IKBKB: variants seen among roughly 807,000 people sequenced by gnomAD.
IKBKB encodes the protein inhibitor of nuclear factor kappa-B kinase subunit beta.
IKBKB carries 42 observed loss-of-function variants against 113.6 expected under a neutral mutation model. The observed-to-expected ratio is 0.37, with a 90% CI of 0.29 to 0.48. IKBKB has a LOEUF of 0.48. Among genes scored for constraint, IKBKB ranks in the 20% least tolerant of loss-of-function variants. IKBKB has a pLI of 0.99. For synonymous variants in IKBKB, 296 were observed against 361.3 expected, an observed-to-expected ratio of 0.82 and a Z score of 2.05; for missense variants, 673 against 939.7, an observed-to-expected ratio of 0.72 and a Z score of 3.71.
chr8:42,322,404 G>T lies in IKBKB; in HGVS notation c.1896G>T (p.Val632=), dbSNP rs771410923. The change falls in exon 19 of 22, where the codon GTG becomes GTT. Residue 632 remains valine (V), a synonymous_variant. Transcript: ENST00000520810. ...AACTGTTGCCCAAGGTGGAAGAGGT[G>T]GTGAGCTTAATGAATGAGGATGAGA... ...ALELLPKVEE[V]VSLMNEDEKT... is the part of the protein sequence containing the mutation. 3 of 1,613,830 alleles carry T rather than the reference G, an allele frequency of 1.9e-6. No individual in the cohort carries two copies. Among genetic ancestry groups the T allele is most frequent in the African/African-American group, 1.3e-5 (1 of 74,858 alleles).
At chr8:42,303,290 A>G (rs1815808822) in intron 5 of IKBKB, among the ~76,000 whole-genome samples, 1 of 152,190 alleles carries the variant, frequency 6.6e-6, no homozygotes, top group Non-Finnish European at 1.5e-5. Context: ...ACCATTAACT[A>G]TCCCTCTGAG....
chr8:42,298,291 C>T lies in IKBKB; in HGVS notation c.388+4779C>T, dbSNP rs866750379. On this transcript the variant is annotated intron_variant, in intron 5 of 21. Transcript: ENST00000520810. The stretch of plus-strand genomic sequence containing the variant: ...GATTGGAATCAGCCTTTCCTGGATT[C>T]TGCAGGTGGCCAGTCTGCTGTGGTG... 2.3e-5 allele frequency: 23 copies of T among 985,424 alleles called. No individual in the cohort carries two copies. The African/African-American group carries it at 3.3e-4, about 14-fold the overall frequency. 61.0% of individuals were successfully genotyped at this position (985,424 alleles called of 1,614,324 possible).
chr8:42,307,202 T>TG (rs1411470486), intron 7 of IKBKB, among the ~76,000 whole-genome samples: 1 of 151,406 alleles, frequency 6.6e-6, no homozygotes, highest in Non-Finnish European at 1.5e-5. Context: ...GGGCTGGAGG[T>TG]GGGGGACGGC....
At position 42,316,701 on chromosome 8, in the gene IKBKB, G is replaced by T. The variant is rs1309089064; in HGVS notation, c.931-9G>T. 5 of 1,607,590 alleles carry T rather than the reference G, an allele frequency of 3.1e-6. No individual in the cohort carries two copies. The highest frequency in any genetic ancestry group is 1.3e-5 in the African/African-American group (1 of 74,752). On this transcript the variant is annotated splice_polypyrimidine_tract_variant and intron_variant, in intron 10 of 21. Transcript: ENST00000520810. This position sits in a 1 kb window ranked among gnomAD's most constrained non-coding sequence, Gnocchi z 4.5. Reference sequence around the variant, plus strand: ...TCGGTTTTCCAGTAACATCTGGGTTGTGTTGCAGCTGGTTCATATCTTGAA... The same window carrying T: ...TCGGTTTTCCAGTAACATCTGGGTTTTGTTGCAGCTGGTTCATATCTTGAA...
At position 42,331,876 on chromosome 8, in the gene IKBKB, C is replaced by G. The variant is rs1260832656; in HGVS notation, c.*897C>G. The G allele has an allele frequency of 1.7e-5, 3 of 180,308 alleles. No individual in the cohort carries two copies. Among genetic ancestry groups the G allele is most frequent in the African/African-American group, 7.1e-5 (3 of 42,128 alleles). 11.2% of individuals were successfully genotyped at this position (180,308 alleles called of 1,614,324 possible). Reference sequence around the variant, plus strand: ...GGGGAGTCCCTGTCTCTCACAGCATCTAGCAGTATTATTAAATGGATTCAT... The same window carrying G: ...GGGGAGTCCCTGTCTCTCACAGCATGTAGCAGTATTATTAAATGGATTCAT... On this transcript the variant is annotated 3_prime_UTR_variant, in exon 22 of 22. Transcript: ENST00000520810.
chr8:42,288,580 G>A, intron 2 of IKBKB, 54 bp from the exon 3 acceptor site: 1 of 1,402,060 alleles, frequency 7.1e-7, no homozygotes, highest in South Asian at 1.2e-5. Context: ...AGCAGACAGG[G>A]TGGGATTTGG....
chr8:42,322,296 C>T, intron 18 of IKBKB, 51 bp from the exon 19 acceptor site: 1 of 1,611,054 alleles, frequency 6.2e-7, no homozygotes, highest in Non-Finnish European at 8.5e-7. Flanking sequence ...GCCACAGGTT[C>T]TGCTTTCTCC....
chr8:42,308,301 TTTC>T (rs1362862671), intron 7 of IKBKB, among the ~76,000 whole-genome samples: 6 of 146,908 alleles, frequency 4.1e-5, no homozygotes, highest in Admixed American at 2.0e-4. Context: ...TCTTTCTTTC[TTTC>T]TTTTTTTTTT....
At position 42,314,141 on chromosome 8, in the gene IKBKB, G is replaced by A. The variant is rs894712379; in HGVS notation, c.693-181G>A. On this transcript the variant is annotated intron_variant, in intron 8 of 21. Transcript: ENST00000520810. The stretch of plus-strand genomic sequence containing the variant: ...ACAGTATTCAGTACCGGAGCATGCT[G>A]TACAGGTTTGTAGCCTAGGAGCAAT... 1.6e-5 allele frequency: 10 copies of A among 611,822 alleles called. No individual in the cohort carries two copies. The African/African-American group carries it at 1.8e-4, about 11-fold the overall frequency. The allele number at this position is 611,822 out of a possible 1,614,324, so 37.9% of individuals were successfully genotyped here.
chr8:42,289,938 A>G (rs1031951200), intron 3 of IKBKB, among the ~76,000 whole-genome samples: 8 of 152,126 alleles, frequency 5.3e-5, no homozygotes, highest in African/African-American at 1.9e-4. Context: ...AGTTACACGC[A>G]GTTGTGCCCT....
chr8:42,276,532 A>G (rs1292276291), intron 2 of IKBKB, among the ~76,000 whole-genome samples: 3 of 152,124 alleles, frequency 2.0e-5, no homozygotes, highest in African/African-American at 7.2e-5. Context: ...CTCCCATTCC[A>G]TAAGTTGTCT....
intron 12 of IKBKB, among the ~76,000 whole-genome samples, 160 bp from the exon 13 acceptor site, chr8:42,318,392 T>C (rs540009730): frequency 6.6e-6 from 1 of 152,306 alleles, no homozygotes; most frequent in Non-Finnish European, 1.5e-5. Flanking sequence ...TACAAATACA[T>C]GTATGTGACA....
chr8:42,315,617 A>G (rs556882512), intron 9 of IKBKB, among the ~76,000 whole-genome samples: 1 of 152,160 alleles, frequency 6.6e-6, no homozygotes, highest in East Asian at 1.9e-4. Flanking sequence ...ATGTGCCTAT[A>G]AAGTGTATTT....
intron 5 of IKBKB, among the ~76,000 whole-genome samples, chr8:42,294,088 G>T (rs1813218418): frequency 6.6e-6 from 1 of 152,238 alleles, no homozygotes; most frequent in Non-Finnish European, 1.5e-5. Context: ...CTGAGGGCTG[G>T]GCGCTAAAGG....
At chr8:42,286,463 C>T (rs1363575809) in intron 2 of IKBKB, among the ~76,000 whole-genome samples, 1 of 152,168 alleles carries the variant, frequency 6.6e-6, no homozygotes, top group Non-Finnish European at 1.5e-5. Flanking sequence ...GGCCTTGCCA[C>T]AGTCCTCTGT....
intron 21 of IKBKB, 110 bp downstream of exon 21, chr8:42,329,324 T>A: frequency 7.2e-7 from 1 of 1,382,112 alleles, no homozygotes; most frequent in Non-Finnish European, 9.4e-7. Flanking sequence ...AGTGTTTGTT[T>A]GTTTGCTTGT....
chr8:42,303,053 C>A (rs1815614474), intron 5 of IKBKB, among the ~76,000 whole-genome samples: 1 of 129,330 alleles, frequency 7.7e-6, no homozygotes, highest in Non-Finnish European at 1.6e-5. Context: ...CCCCGGCTTG[C>A]CGAGAGGGAG....
chr8:42,300,100 A>G lies in IKBKB; in HGVS notation c.389-5087A>G, dbSNP rs547466323. Among the ~76,000 whole-genome samples the G allele has an allele frequency of 1.5e-4, 23 of 152,312 alleles. No homozygotes were observed. In the South Asian group the frequency reaches 4.6e-3, roughly 30 times the overall value. On this transcript the variant is annotated intron_variant, in intron 5 of 21. Transcript: ENST00000520810. ...GAAGTTGTCGCACTTTCGCCTTGGC[A>G]CCCAACGTTACTGCCTTGCTGCCTC...
chr8:42,271,797 A>T (rs141420666), intron 1 of IKBKB: 8,025 of 517,832 alleles, frequency 0.015, 122 homozygotes, highest in Middle Eastern at 0.04. Context: ...TGGTGGAGTC[A>T]GCTGGGGATC....
Sources: gnomAD v4.1 joint callset for allele counts (sites outside exome capture counted in the v4.1 genomes callset) on GRCh38, gnomAD v4.1.1 for gene constraint, Gnocchi (gnomAD v3.1) non-coding constraint, MANE v1.5 for transcripts, NCBI Gene and HGNC (gene_info 2026-07-23, HGNC 2026-07-21) for gene names.